The following POLK variants were observed in gnomAD, a reference collection of about 807,000 sequenced individuals.
POLK encodes the protein DNA polymerase kappa, also known as polymerase (DNA directed) kappa.
Under a neutral mutation model 94.0 loss-of-function variants are expected in POLK, and 76 were observed. That is an observed-to-expected ratio of 0.81 (90% CI 0.67 to 0.98). POLK has a LOEUF of 0.98. Among genes scored for constraint, POLK ranks in the 50% least tolerant of loss-of-function variants. POLK has a pLI of 0.00. For missense variants in POLK, 954 were observed against 1,010.1 expected, an observed-to-expected ratio of 0.94 and a Z score of 0.75; for synonymous variants, 349 against 325.4, an observed-to-expected ratio of 1.07 and a Z score of -0.78.
intron 3 of POLK, among the ~76,000 whole-genome samples, chr5:75,562,870 G>A (rs1223414358): frequency 1.3e-4 from 20 of 152,154 alleles, no homozygotes; most frequent in Non-Finnish European, 1.5e-4. Context: ...TGACTTGATT[G>A]CGTTGGATAA....
intron 1 of POLK, among the ~76,000 whole-genome samples, chr5:75,516,689 C>G (rs1458899064): frequency 6.6e-6 from 1 of 151,708 alleles, no homozygotes; most frequent in East Asian, 1.9e-4. Flanking sequence ...CAAAATAAAA[C>G]AACTTTTGGC....
intron 1 of POLK, among the ~76,000 whole-genome samples, chr5:75,519,421 CCT>C (rs1367609074): frequency 1.3e-5 from 2 of 152,122 alleles, no homozygotes; most frequent in Middle Eastern, 6.8e-3. Context: ...GTTTAACTCC[CCT>C]GTTTCTTTGT....
downstream of POLK, among the ~76,000 whole-genome samples, chr5:75,603,528 T>C (rs1386806546): frequency 6.6e-6 from 1 of 152,122 alleles, no homozygotes; most frequent in East Asian, 1.9e-4. Context: ...TATGATTATT[T>C]ATGTGGTGTA....
rs1239337608 is a variant in POLK, at chr5:75,596,464, CAA to C, written c.1773_1774del (p.Ser592PhefsTer16). 1 of 1,613,768 alleles carries C rather than the reference CAA, an allele frequency of 6.2e-7. No individual in the cohort carries two copies. The highest frequency in any genetic ancestry group is 1.7e-5 in the Admixed American group (1 of 60,018). On this transcript the variant is annotated frameshift_variant, in exon 13 of 15. Coordinates refer to ENST00000241436, the Ensembl canonical transcript of POLK. LOFTEE classifies it high-confidence loss of function. ...ATTTAAATGTGAAGCCGTGAATAAA[CAA>C]AGTTTCCAGACATCACAACCATTCC...
chr5:75,582,492 G>T (rs1772241512), intron 7 of POLK: 1 of 152,026 alleles, frequency 6.6e-6, no homozygotes, highest in African/African-American at 2.4e-5. Context: ...AACATAAAAA[G>T]GATACACCAT....
intron 1 of POLK, among the ~76,000 whole-genome samples, chr5:75,527,860 C>A (rs985140406): frequency 1.3e-5 from 2 of 152,106 alleles, no homozygotes; most frequent in Non-Finnish European, 2.9e-5. Flanking sequence ...AGATATTCAT[C>A]ACAGCATTTT....
At chr5:75,602,861 A>C (rs1773327164), downstream of POLK, among the ~76,000 whole-genome samples, 1 of 152,224 alleles carries the variant, frequency 6.6e-6, no homozygotes, top group South Asian at 2.1e-4. Flanking sequence ...TAGCATTATA[A>C]GAAGTATTTA....
At chr5:75,601,741 G>A (rs531888720), downstream of POLK, among the ~76,000 whole-genome samples, 2 of 152,278 alleles carry the variant, frequency 1.3e-5, no homozygotes, top group South Asian at 2.1e-4. Flanking sequence ...ACAGACTGAA[G>A]GGCTGCACCA....
chr5:75,569,568 T>C, intron 4 of POLK, 76 bp downstream of exon 4: 4 of 1,224,482 alleles, frequency 3.3e-6, no homozygotes, highest in Non-Finnish European at 3.5e-6. Flanking sequence ...GAAGGGGGAA[T>C]TCTTTATTGA....
chr5:75,553,716 T>A (rs5744613), intron 3 of POLK, among the ~76,000 whole-genome samples: 5,451 of 152,282 alleles, frequency 0.036, 143 homozygotes, highest in Middle Eastern at 0.075. Flanking sequence ...ATGGTATCAT[T>A]TTACATTTTC....
intron 1 of POLK, among the ~76,000 whole-genome samples, chr5:75,533,398 C>T (rs1395904060): frequency 6.6e-6 from 1 of 152,014 alleles, no homozygotes; most frequent in Admixed American, 6.6e-5. Context: ...TGATTGTAGG[C>T]ATGTGGTTGT....
Position 75,564,231 on chromosome 5 carries a change from C to CTTCT in POLK, c.256-5090_256-5087dup, listed in dbSNP as rs368246035. 1.5e-3 allele frequency among the ~76,000 whole-genome samples: 219 copies of CTTCT among 148,040 alleles called. 2 individuals carry two copies. Among genetic ancestry groups the CTTCT allele is most frequent in the African/African-American group, 4.6e-3 (187 of 40,538 alleles). On this transcript the variant is annotated intron_variant, in intron 3 of 14. Coordinates refer to ENST00000241436, the Ensembl canonical transcript of POLK. Reference sequence around the variant, plus strand: ...GGGATTGCAACCCCTGCTTTTTTTTCTTCTTTCTTTCTTTCTTTCTTTTCT... The same window carrying CTTCT: ...GGGATTGCAACCCCTGCTTTTTTTTCTTCTTTCTTTCTTTCTTTCTTTCTTTTCT...
chr5:75,527,502 TACACACACACACACACACACACAC>T, intron 1 of POLK, among the ~76,000 whole-genome samples: 1 of 133,030 alleles, frequency 7.5e-6, no homozygotes, highest in South Asian at 2.6e-4. Flanking sequence ...AATTTATATA[TACACACACACACACACACACACAC>T]ACACACACAC....
At chr5:75,566,417 A>C (rs1023216839) in intron 3 of POLK, among the ~76,000 whole-genome samples, 1 of 152,138 alleles carries the variant, frequency 6.6e-6, no homozygotes, top group Non-Finnish European at 1.5e-5. Flanking sequence ...GGGTATGAAA[A>C]AAAACTCCTG....
intron 6 of POLK, 111 bp from the exon 7 acceptor site, chr5:75,581,098 A>G: frequency 2.9e-6 from 2 of 692,102 alleles, no homozygotes; most frequent in Non-Finnish European, 4.8e-6. Flanking sequence ...CCTAGAAACT[A>G]AACTAAACTA....
chr5:75,607,770 T>C, the POLK span, among the ~76,000 whole-genome samples: 1 of 152,204 alleles, frequency 6.6e-6, no homozygotes, highest in Non-Finnish European at 1.5e-5. Flanking sequence ...TTACTTGGGT[T>C]TTCCTATTAA....
At chr5:75,586,975 T>TAA (rs756139563) in intron 9 of POLK, 51 bp from the exon 10 acceptor site, 11 of 1,348,146 alleles carry the variant, frequency 8.2e-6, no homozygotes, top group Non-Finnish European at 1.1e-5. Flanking sequence ...CTTGGTTAAC[T>TAA]AAAAAAAACT....
chr5:75,606,751 A>G, the POLK span, among the ~76,000 whole-genome samples: 1 of 152,032 alleles, frequency 6.6e-6, no homozygotes, highest in African/African-American at 2.4e-5. Context: ...TTCTTTCTAC[A>G]CAGACACAGT....
Position 75,593,979 on chromosome 5 carries a change from CATTGCTAAGGA to C in POLK, c.1467_1477del (p.Glu490AsnfsTer4). On this transcript the variant is annotated frameshift_variant, in exon 12 of 15. Transcript: ENST00000241436. LOFTEE classifies it high-confidence loss of function. ...TTTCTACTGCAGAAGAAATATTTGC[CATTGCTAAGGA>C]ATTGCTAAAAACAGAAATTGATGCT... 1 of 1,610,886 alleles carries C rather than the reference CATTGCTAAGGA, an allele frequency of 6.2e-7. No homozygotes were observed. Among genetic ancestry groups the C allele is most frequent in the South Asian group, 1.1e-5 (1 of 90,902 alleles).
Sources: gnomAD v4.1 joint callset for allele counts (sites outside exome capture counted in the v4.1 genomes callset) on GRCh38, gnomAD v4.1.1 for gene constraint, MANE v1.5 for transcripts, NCBI Gene and HGNC (gene_info 2026-07-23, HGNC 2026-07-21) for gene names.